PDE4B: variants seen among roughly 807,000 people sequenced by gnomAD.
The protein encoded by PDE4B is phosphodiesterase 4B.
A neutral mutation model predicts 82.2 loss-of-function variants in PDE4B; 20 were observed. The observed-to-expected ratio is 0.24, with a 90% CI of 0.17 to 0.35. PDE4B has a LOEUF of 0.35. Among genes scored for constraint, PDE4B ranks in the 10% least tolerant of loss-of-function variants. The probability of loss-of-function intolerance (pLI) is 1.00; values close to 1 mark genes in which losing one functional copy is unlikely to be tolerated. For synonymous variants in PDE4B, 320 were observed against 318.9 expected (o/e 1.00, Z -0.04); for missense variants, 655 against 907.2 (o/e 0.72, Z 3.57).
chr1:66,215,787 T>C (rs1481213550), intron 3 of PDE4B, among the ~76,000 whole-genome samples: 2 of 152,114 alleles, frequency 1.3e-5, no homozygotes, highest in Non-Finnish European at 2.9e-5. Flanking sequence ...GCCTCCCCTA[T>C]TCTTTCTGGA....
At chr1:66,053,434 T>C (rs180720178) in intron 3 of PDE4B, among the ~76,000 whole-genome samples, 87 of 152,364 alleles carry the variant, frequency 5.7e-4, no homozygotes, top group African/African-American at 1.8e-3. Context: ...AGGAGCTTTA[T>C]GTGTATTAAC....
Position 66,008,856 on chromosome 1 carries a change from T to C in PDE4B, c.281+90021T>C, listed in dbSNP as rs1298743592. Among the ~76,000 whole-genome samples the C allele has an allele frequency of 2.6e-5, 4 of 152,156 alleles. No homozygotes were observed. The East Asian group carries it at 7.7e-4, about 29-fold the overall frequency. On this transcript the variant is annotated intron_variant, in intron 3 of 16. Coordinates refer to ENST00000341517, the MANE Select transcript of PDE4B (RefSeq NM_002600.4). ...CTTTCTCGGTTGGTTCCTCCTCATGTTCCTCAAGTCTAAATATTGGAATGC... is the reference window on the plus strand; with the variant it reads ...CTTTCTCGGTTGGTTCCTCCTCATGCTCCTCAAGTCTAAATATTGGAATGC...
intron 3 of PDE4B, among the ~76,000 whole-genome samples, chr1:66,234,877 T>G (rs1652281170): frequency 6.6e-6 from 1 of 152,198 alleles, no homozygotes; most frequent in Non-Finnish European, 1.5e-5. Flanking sequence ...TTTTTCTATT[T>G]TTTTAATAAA....
chr1:66,327,345 TTATA>T (rs1348211593), intron 7 of PDE4B, among the ~76,000 whole-genome samples: 1 of 152,240 alleles, frequency 6.6e-6, no homozygotes, highest in Non-Finnish European at 1.5e-5. Flanking sequence ...CCTATTTATG[TTATA>T]TACATATGTA....
chr1:65,940,251 G>C (rs964764490), intron 3 of PDE4B, among the ~76,000 whole-genome samples: 1 of 151,954 alleles, frequency 6.6e-6, no homozygotes, highest in African/African-American at 2.4e-5. Context: ...AGGTGAGAAA[G>C]AGCCTGGTAT....
chr1:66,157,875 T>G (rs1646531887), intron 3 of PDE4B, among the ~76,000 whole-genome samples: 1 of 152,092 alleles, frequency 6.6e-6, no homozygotes, highest in Admixed American at 6.6e-5. Flanking sequence ...TCAAAGCCCA[T>G]GTAAAAAGTG....
At chr1:65,940,001 ATAAC>A (rs1423026145) in intron 3 of PDE4B, among the ~76,000 whole-genome samples, 4 of 152,180 alleles carry the variant, frequency 2.6e-5, no homozygotes, top group East Asian at 1.9e-4. Context: ...AGTAATTACA[ATAAC>A]TAACAAGAAA....
intron 1 of PDE4B, among the ~76,000 whole-genome samples, chr1:65,903,424 C>T (rs1262239498): frequency 9.5e-6 from 1 of 105,734 alleles, no homozygotes; most frequent in Non-Finnish European, 2.3e-5. Context: ...CACATGCACA[C>T]ACACACACAC....
intron 3 of PDE4B, among the ~76,000 whole-genome samples, chr1:66,098,861 C>G (rs547199340): frequency 6.6e-6 from 1 of 152,040 alleles, no homozygotes; most frequent in Non-Finnish European, 1.5e-5. Flanking sequence ...TCACTAAGGC[C>G]ATACAAAAAC....
At position 65,913,017 on chromosome 1, in the gene PDE4B, T is replaced by G. The variant is rs1238259271; in HGVS notation, c.-70-228T>G. On this transcript the variant is annotated intron_variant, in intron 1 of 16. Transcript: ENST00000341517. ...TGGGAGCCTAATTGTTACTCATTAT[T>G]CTTACTATCTTTTCCCAAATAGCTT... is the stretch of plus-strand genomic sequence containing the variant. Among the ~76,000 whole-genome samples, 7 of 152,226 alleles carry G rather than the reference T, an allele frequency of 4.6e-5. No individual in the cohort carries two copies. In the East Asian group the frequency reaches 1.3e-3, roughly 29 times the overall value.
At chr1:66,257,113 T>G (rs533372196) in intron 4 of PDE4B, among the ~76,000 whole-genome samples, 2 of 152,312 alleles carry the variant, frequency 1.3e-5, no homozygotes, top group South Asian at 4.1e-4. Context: ...AAGCTTTTCC[T>G]TAGGTACTTT....
At chr1:66,108,083 C>T (rs1486660255) in intron 3 of PDE4B, among the ~76,000 whole-genome samples, 2 of 151,788 alleles carry the variant, frequency 1.3e-5, no homozygotes, top group African/African-American at 2.4e-5. Context: ...TATTTAAAGT[C>T]TACTCTCTTA....
intron 2 of PDE4B, among the ~76,000 whole-genome samples, chr1:65,914,262 C>T (rs1456441813): frequency 6.6e-6 from 1 of 152,170 alleles, no homozygotes; most frequent in Non-Finnish European, 1.5e-5. Context: ...GTAGCAAAGC[C>T]TTTGGCAAGA....
intron 3 of PDE4B, among the ~76,000 whole-genome samples, chr1:66,173,269 G>A (rs903558906): frequency 1.3e-5 from 2 of 152,152 alleles, no homozygotes; most frequent in African/African-American, 4.8e-5. Flanking sequence ...CGCTGAAAAG[G>A]CAATAGGGCT....
chr1:66,333,880 G>GA (rs1557706907), intron 8 of PDE4B, among the ~76,000 whole-genome samples: 1 of 151,216 alleles, frequency 6.6e-6, no homozygotes, highest in African/African-American at 2.4e-5. Context: ...AGTTGGAAGG[G>GA]AAAAAAAAAG....
chr1:66,223,063 A>C (rs1651129172), intron 3 of PDE4B, among the ~76,000 whole-genome samples: 1 of 152,224 alleles, frequency 6.6e-6, no homozygotes, highest in South Asian at 2.1e-4. Flanking sequence ...TTGAGTGTTC[A>C]CACAATGTGT....
At chr1:65,996,768 G>A (rs1205635068) in intron 3 of PDE4B, among the ~76,000 whole-genome samples, 2 of 152,050 alleles carry the variant, frequency 1.3e-5, no homozygotes, top group Admixed American at 1.3e-4. Context: ...ACCCAAAAGT[G>A]GATACCATAC....
Position 66,372,410 on chromosome 1 carries a change from A to G in PDE4B, c.1943A>G (p.Asn648Ser), listed in dbSNP as rs1189207490. 3 of 1,613,998 alleles carry G rather than the reference A, an allele frequency of 1.9e-6. No individual in the cohort carries two copies. The highest frequency in any genetic ancestry group is 2.5e-6 in the Non-Finnish European group (3 of 1,179,964). ...GACATTCTCGATACCTTAGAAGATA[A>G]CAGGAACTGGTATCAGAGCATGATA... The part of the protein sequence containing the change: ...AQDILDTLED[N>S]RNWYQSMIPQ... The change falls in exon 17 of 17, where the codon AAC (asparagine) becomes AGC (serine). Residue 648 changes from asparagine (N) to serine (S), a missense_variant. Coordinates refer to ENST00000341517, the MANE Select transcript of PDE4B (RefSeq NM_002600.4).
intron 7 of PDE4B, among the ~76,000 whole-genome samples, chr1:66,270,318 T>C (rs12021574): frequency 0.033 from 4,987 of 152,280 alleles, 215 homozygotes; most frequent in East Asian, 0.23. Context: ...AGAAGAGGCT[T>C]TCTCCTTGGA....
Sources: allele counts gnomAD v4.1 joint callset (sites outside exome capture counted in the v4.1 genomes callset), GRCh38; gene constraint gnomAD v4.1.1; transcripts MANE v1.5; gene names NCBI Gene and HGNC (gene_info 2026-07-23, HGNC 2026-07-21).